UGT1A5: variants seen among roughly 807,000 people sequenced by gnomAD.
UGT1A5 encodes the protein UDP-glucuronosyltransferase 1A5.
A neutral mutation model predicts 40.3 loss-of-function variants in UGT1A5; 29 were observed. The observed-to-expected ratio is 0.72, with a 90% CI of 0.54 to 0.98. UGT1A5 has a LOEUF of 0.98. UGT1A5 is among the 50% of genes least tolerant of loss of function. The pLI is 0.00. For missense variants in UGT1A5, 678 were observed against 677.9 expected (o/e 1.00, Z 0.00); for synonymous variants, 257 against 262.5 (o/e 0.98, Z 0.20).
rs78297396 is a variant in UGT1A5, at chr2:233,715,433, T to C, written c.867+1575T>C. 9.7e-3 allele frequency among the ~76,000 whole-genome samples: 1,478 copies of C among 152,296 alleles called. 34 individuals carry two copies. Among genetic ancestry groups the C allele is most frequent in the African/African-American group, 0.033 (1,382 of 41,550 alleles). The stretch of plus-strand genomic sequence containing the variant: ...AATACATTTTATCTGATATCAGTAA[T>C]GTGACTCCTATGTTATTTTTTGAAT... On this transcript the variant is annotated intron_variant, in intron 1 of 4. Coordinates refer to ENST00000373414, the MANE Select transcript of UGT1A5 (RefSeq NM_019078.2).
At chr2:233,748,132 A>T in intron 1 of UGT1A5, 1 of 1,610,152 alleles carries the variant, frequency 6.2e-7, no homozygotes, top group Middle Eastern at 2.1e-4. Flanking sequence ...CAGTTTTTAA[A>T]AATTGTATTT....
intron 1 of UGT1A5, among the ~76,000 whole-genome samples, chr2:233,728,297 G>C (rs1288771373): frequency 6.6e-6 from 1 of 152,214 alleles, no homozygotes; most frequent in Non-Finnish European, 1.5e-5. Context: ...GAGGAATTCA[G>C]ACTGTGCAAG....
chr2:233,718,950 A>C, intron 1 of UGT1A5: 2 of 1,614,178 alleles, frequency 1.2e-6, no homozygotes, highest in South Asian at 2.2e-5. Flanking sequence ...CTGGCTCAGC[A>C]TGCGGGAGGC....
chr2:233,747,595 G>A lies in UGT1A5; in HGVS notation c.868-19439G>A, dbSNP rs188498977. 1.9e-6 allele frequency: 3 copies of A among 1,576,476 alleles called. 1 individual carries two copies. In the African/African-American group the frequency reaches 4.1e-5, roughly 21 times the overall value. ...TCATCTTTGGTCTTTCATAGGTCTT[G>A]TGTGGAGCTACTGCATAATGAGGCC... On this transcript the variant is annotated intron_variant, in intron 1 of 4. Coordinates refer to ENST00000373414, the MANE Select transcript of UGT1A5 (RefSeq NM_019078.2).
At chr2:233,729,179 T>C (rs200023814) in intron 1 of UGT1A5, 112 of 1,613,806 alleles carry the variant, frequency 6.9e-5, no homozygotes, top group Non-Finnish European at 9.3e-6. Context: ...GGACTGCTGC[T>C]TCTCCTCAGT....
intron 1 of UGT1A5, among the ~76,000 whole-genome samples, chr2:233,733,262 T>A (rs11685892): frequency 0.53 from 80,164 of 151,964 alleles, 22,478 homozygotes; most frequent in African/African-American, 0.73. Flanking sequence ...AAACAGGGAC[T>A]ATTTGACTTC....
intron 1 of UGT1A5, among the ~76,000 whole-genome samples, chr2:233,756,714 T>C (rs1696309930): frequency 6.6e-6 from 1 of 152,188 alleles, no homozygotes. Flanking sequence ...GGGACTTTTT[T>C]TGAGATCTGA....
chr2:233,748,538 A>C (rs879259422), intron 1 of UGT1A5, among the ~76,000 whole-genome samples: 4 of 151,868 alleles, frequency 2.6e-5, no homozygotes, highest in Admixed American at 2.6e-4. Context: ...AGGTGACCAC[A>C]GGAGACCTAA....
In UGT1A5 at chr2:233,772,428, G is replaced by A. The variant is rs747543462; in HGVS notation, c.1474G>A (p.Val492Met). The change falls in exon 5 of 5, where the codon GTG becomes ATG. Residue 492 changes from valine (V) to methionine (M), a missense_variant. Coordinates refer to ENST00000373414, the MANE Select transcript of UGT1A5 (RefSeq NM_019078.2). ...CTGGTACCAGTACCATTCCTTGGAC[G>A]TGATTGGTTTCCTCTTGGCCGTCGT... The part of the protein sequence containing the change: ...LTWYQYHSLD[V>M]IGFLLAVVLT... 9 of 1,614,096 alleles carry A rather than the reference G, an allele frequency of 5.6e-6. No homozygotes were observed. The highest frequency in any genetic ancestry group is 3.3e-5 in the Admixed American group (2 of 60,006).
chr2:233,752,969 A>G (rs553949581), intron 1 of UGT1A5, among the ~76,000 whole-genome samples: 2 of 152,310 alleles, frequency 1.3e-5, no homozygotes, highest in Non-Finnish European at 2.9e-5. Context: ...TATGTAACCA[A>G]TTGTGTAGAT....
At chr2:233,727,049 G>A (rs1171509932) in intron 1 of UGT1A5, among the ~76,000 whole-genome samples, 1 of 152,178 alleles carries the variant, frequency 6.6e-6, no homozygotes, top group Non-Finnish European at 1.5e-5. Flanking sequence ...ACCCCAAGAT[G>A]TGAAGATTAG....
intron 1 of UGT1A5, chr2:233,730,056 T>G (rs1178732328): frequency 1.2e-6 from 2 of 1,611,614 alleles, no homozygotes. Flanking sequence ...AAAAATGTAT[T>G]TATTTAAAAT....
chr2:233,746,887 A>T (rs765200684), intron 1 of UGT1A5, among the ~76,000 whole-genome samples: 2 of 151,818 alleles, frequency 1.3e-5, no homozygotes, highest in African/African-American at 2.4e-5. Flanking sequence ...ACAGAGAAGT[A>T]GGAGGCTGTG....
chr2:233,746,646 C>A (rs1278819744), intron 1 of UGT1A5, among the ~76,000 whole-genome samples: 2 of 151,736 alleles, frequency 1.3e-5, no homozygotes, highest in East Asian at 3.9e-4. Flanking sequence ...TCTAACTTGG[C>A]TTTCTGTCCC....
Position 233,727,426 on chromosome 2 carries a change from C to G in UGT1A5, c.867+13568C>G, listed in dbSNP as rs186038062. On this transcript the variant is annotated intron_variant, in intron 1 of 4. Coordinates refer to ENST00000373414, the MANE Select transcript of UGT1A5 (RefSeq NM_019078.2). ...TGGGCCTCCTCAGGGTCTGGGAGTCCCAGACATGTGACAAGAAATCAGATG... is the reference window on the plus strand; with the variant it reads ...TGGGCCTCCTCAGGGTCTGGGAGTCGCAGACATGTGACAAGAAATCAGATG... 2.0e-5 allele frequency among the ~76,000 whole-genome samples: 3 copies of G among 152,090 alleles called. No homozygotes were observed. In the South Asian group the frequency reaches 6.2e-4, roughly 32 times the overall value.
chr2:233,749,891 C>A (rs769638729), intron 1 of UGT1A5, among the ~76,000 whole-genome samples: 71 of 152,066 alleles, frequency 4.7e-4, no homozygotes, highest in Admixed American at 1.4e-3. Context: ...CTGAGGCTCC[C>A]CCCTCCAGCC....
At chr2:233,720,323 T>C (rs1157201210) in intron 1 of UGT1A5, among the ~76,000 whole-genome samples, 1 of 152,090 alleles carries the variant, frequency 6.6e-6, no homozygotes, top group Non-Finnish European at 1.5e-5. Flanking sequence ...TGTGGGGACA[T>C]CGTAGAGTTT....
At chr2:233,718,927 C>A in intron 1 of UGT1A5, 2 of 1,614,128 alleles carry the variant, frequency 1.2e-6, no homozygotes, top group Non-Finnish European at 8.5e-7. Flanking sequence ...GTGGTGCCCA[C>A]TGATGGCAGC....
chr2:233,731,329 A>C (rs1284025044), intron 1 of UGT1A5, among the ~76,000 whole-genome samples: 2 of 150,010 alleles, frequency 1.3e-5, no homozygotes, highest in Admixed American at 6.7e-5. Context: ...GTACATGTGC[A>C]CAAATTGCAG....
Sources: gnomAD v4.1 joint callset for allele counts (sites outside exome capture counted in the v4.1 genomes callset) on GRCh38, gnomAD v4.1.1 for gene constraint, MANE v1.5 for transcripts, NCBI Gene and HGNC (gene_info 2026-07-23, HGNC 2026-07-21) for gene names.